The following IGSF10 variants were observed in gnomAD, a reference collection of about 807,000 sequenced individuals.
IGSF10 encodes calvaria mechanical force protein 608.
IGSF10 carries 126 observed loss-of-function variants against 128.2 expected under a neutral mutation model. That is an observed-to-expected ratio of 0.98 (90% CI 0.85 to 1.14). The LOEUF (loss-of-function observed/expected upper bound fraction) is 1.14, where lower values mean the gene tolerates loss of function less well. Among genes scored for constraint, IGSF10 ranks in the 50% most tolerant of loss-of-function variants. IGSF10 has a pLI of 0.00. For missense variants in IGSF10, 3,295 were observed against 3,149.8 expected (o/e 1.05, Z -1.10); for synonymous variants, 1,185 against 1,146.2 (o/e 1.03, Z -0.68).
At chr3:151,504,742 T>C in the IGSF10 span, among the ~76,000 whole-genome samples, 1,282 of 152,338 alleles carry the variant, frequency 8.4e-3, 12 homozygotes, top group South Asian at 0.015. Flanking sequence ...TAGTCTACTC[T>C]TGTGGCAACC....
the IGSF10 span, among the ~76,000 whole-genome samples, chr3:151,492,911 ATATATATTT>A: frequency 7.0e-6 from 1 of 143,592 alleles, no homozygotes; most frequent in Non-Finnish European, 1.6e-5. Context: ...GAAATGTGAG[ATATATATTT>A]TATATATGTA....
In IGSF10 at chr3:151,448,437, C is replaced by T; in HGVS notation, c.1544G>A (p.Ser515Asn). 1 of 1,614,248 alleles carries T rather than the reference C, an allele frequency of 6.2e-7. No homozygotes were observed. The highest frequency in any genetic ancestry group is 2.2e-5 in the East Asian group (1 of 44,892). Residue 515 changes from serine (S) to asparagine (N), a missense_variant, in exon 6 of 8, where the codon AGT becomes AAT. Transcript: ENST00000282466. The stretch of plus-strand genomic sequence containing the variant: ...ACTGACATAAGGGGCTCTCACTTTA[C>T]TTCCATCAGCTAGAAGCCAATCCAC... Reference protein sequence around the residue: ...PHVDWLLADGSKVRAPYVSED... With the variant: ...PHVDWLLADGNKVRAPYVSED...
rs973346035 is a variant in IGSF10 at position 151,457,045 on chromosome 3, G to A, written c.305C>T (p.Ser102Leu). Residue 102 changes from serine (S) to leucine (L), a missense_variant, in exon 4 of 8, where the codon TCA (serine) becomes TTA (leucine). Ser to Leu is a moderately radical substitution (Grantham distance 145). Coordinates refer to ENST00000282466, the MANE Select transcript of IGSF10 (RefSeq NM_178822.5). ...GIHTIPDKTF[S>L]DLQALQVLKM... ...TCTCACCTGCAAGGCCTGCAAATCT[G>A]AGAAGGTCTTGTCAGGGATTGTGTG... 4 of 1,614,066 alleles carry A rather than the reference G, an allele frequency of 2.5e-6. No individual in the cohort carries two copies. The South Asian group carries it at 3.3e-5, about 13-fold the overall frequency.
the IGSF10 span, among the ~76,000 whole-genome samples, chr3:151,505,426 G>A: frequency 6.6e-6 from 1 of 152,082 alleles, no homozygotes; most frequent in Non-Finnish European, 1.5e-5. Context: ...TCACAAGTGG[G>A]GATTATGGGA....
chr3:151,480,876 C>G, the IGSF10 span, among the ~76,000 whole-genome samples: 8 of 152,220 alleles, frequency 5.3e-5, no homozygotes, highest in East Asian at 1.5e-3. Context: ...AAGGTATCAC[C>G]CCATTCCCCC....
At chr3:151,459,066 A>G (rs112449069) in intron 2 of IGSF10, among the ~76,000 whole-genome samples, 1 of 152,248 alleles carries the variant, frequency 6.6e-6, no homozygotes, top group East Asian at 1.9e-4. Flanking sequence ...TCCTTTATAT[A>G]CATTAATTCT....
At chr3:151,605,149 G>A in the IGSF10 span, among the ~76,000 whole-genome samples, 2 of 152,192 alleles carry the variant, frequency 1.3e-5, no homozygotes, top group Non-Finnish European at 2.9e-5. Flanking sequence ...AAGGAAGAGT[G>A]TTACTTTATT....
At chr3:151,615,183 T>C in the IGSF10 span, among the ~76,000 whole-genome samples, 2 of 151,614 alleles carry the variant, frequency 1.3e-5, no homozygotes, top group East Asian at 3.9e-4. Flanking sequence ...AAAATGCATA[T>C]GTTAACTGAA....
At chr3:151,510,327 T>C in the IGSF10 span, among the ~76,000 whole-genome samples, 3 of 152,266 alleles carry the variant, frequency 2.0e-5, no homozygotes, top group Admixed American at 6.5e-5. Context: ...CAATATCCAC[T>C]GTTCTGCAGC....
chr3:151,539,392 C>T, the IGSF10 span, among the ~76,000 whole-genome samples: 1 of 152,170 alleles, frequency 6.6e-6, no homozygotes, highest in Non-Finnish European at 1.5e-5. Flanking sequence ...GGCGAATTCA[C>T]TCCACCTGAG....
In IGSF10 at chr3:151,453,399, T is replaced by A; in HGVS notation, c.700A>T (p.Ile234Leu). The A allele has an allele frequency of 6.3e-7, 1 of 1,598,594 alleles. No individual in the cohort carries two copies. The highest frequency in any genetic ancestry group is 1.1e-5 in the South Asian group (1 of 87,516). Residue 234 changes from isoleucine (I) to leucine (L), a missense_variant, in exon 5 of 8, where the codon ATA (isoleucine) becomes TTA (leucine). Ile to Leu is a conservative substitution (Grantham distance 5). Transcript: ENST00000282466. ...DCHLKWLSDWIQEKPDVIKCK... is the reference protein window; with the variant it reads ...DCHLKWLSDWLQEKPDVIKCK... ...ATATAGATACCTGGCTTCTCCTGTA[T>A]CCAGTCAGACAACCACTTTAAATGG...
chr3:151,582,041 G>C, the IGSF10 span, among the ~76,000 whole-genome samples: 1 of 152,082 alleles, frequency 6.6e-6, no homozygotes, highest in Non-Finnish European at 1.5e-5. Flanking sequence ...ACTCCAGCCT[G>C]GGTGACAGAG....
chr3:151,518,774 A>G, the IGSF10 span, among the ~76,000 whole-genome samples: 78,852 of 151,768 alleles, frequency 0.52, 21,174 homozygotes, highest in East Asian at 0.73. Flanking sequence ...TGTATGTTCT[A>G]TGAAAGTTGG....
At chr3:151,578,562 G>A in the IGSF10 span, among the ~76,000 whole-genome samples, 1 of 152,182 alleles carries the variant, frequency 6.6e-6, no homozygotes, top group African/African-American at 2.4e-5. Context: ...TTGCTCATGA[G>A]AATGACTGAG....
the IGSF10 span, among the ~76,000 whole-genome samples, chr3:151,555,895 A>G: frequency 2.0e-5 from 3 of 152,160 alleles, no homozygotes; most frequent in Non-Finnish European, 4.4e-5. Context: ...AAACATCTCA[A>G]GGGGTTAGTA....
chr3:151,598,362 C>T, the IGSF10 span, among the ~76,000 whole-genome samples: 1 of 152,138 alleles, frequency 6.6e-6, no homozygotes, highest in Non-Finnish European at 1.5e-5. Context: ...GCATCTCAGA[C>T]AAAAGAGAAA....
At chr3:151,457,673 C>T (rs563081721) in intron 3 of IGSF10, among the ~76,000 whole-genome samples, 1 of 152,238 alleles carries the variant, frequency 6.6e-6, no homozygotes, top group Non-Finnish European at 1.5e-5. Flanking sequence ...CCTCAGTTTC[C>T]TCATCTATAA....
the IGSF10 span, among the ~76,000 whole-genome samples, chr3:151,575,845 C>T: frequency 0.013 from 1,963 of 152,242 alleles, 50 homozygotes; most frequent in African/African-American, 0.045. Context: ...TGTTCCTATT[C>T]GGCCATCTTG....
At chr3:151,531,206 A>C in the IGSF10 span, among the ~76,000 whole-genome samples, 1 of 152,194 alleles carries the variant, frequency 6.6e-6, no homozygotes, top group Admixed American at 6.5e-5. Context: ...TGAGAGACCT[A>C]AAAAGAGACT....
Sources: gnomAD v4.1 joint callset for allele counts (sites outside exome capture counted in the v4.1 genomes callset) on GRCh38, gnomAD v4.1.1 for gene constraint, MANE v1.5 for transcripts, NCBI Gene and HGNC (gene_info 2026-07-23, HGNC 2026-07-21) for gene names.